ROBO1: variants seen among roughly 807,000 people sequenced by gnomAD.
The protein encoded by ROBO1 is roundabout guidance receptor 1.
A neutral mutation model predicts 195.9 loss-of-function variants in ROBO1; 149 were observed. That is an observed-to-expected ratio of 0.76 (90% CI 0.67 to 0.87). ROBO1 has a LOEUF of 0.87. Ranked by LOEUF, ROBO1 falls within the 40% of genes least tolerant of loss-of-function variation. The pLI is 0.00. For synonymous variants in ROBO1, 816 were observed against 733.2 expected, an observed-to-expected ratio of 1.11 and a Z score of -1.82; for missense variants, 1,933 against 2,068.3, an observed-to-expected ratio of 0.93 and a Z score of 1.27.
chr3:79,662,455 C>T (rs1946356726), intron 1 of ROBO1, among the ~76,000 whole-genome samples: 1 of 151,918 alleles, frequency 6.6e-6, no homozygotes, highest in Admixed American at 6.6e-5. Context: ...TGCTGAAATC[C>T]TTGCTTTGAG....
intron 2 of ROBO1, among the ~76,000 whole-genome samples, chr3:79,446,960 A>C (rs1002187035): frequency 1.3e-5 from 2 of 151,712 alleles, no homozygotes; most frequent in African/African-American, 2.4e-5. Context: ...CATAGCTGGG[A>C]TTACAGGCTA....
At chr3:79,321,577 G>A (rs1051154397) in intron 2 of ROBO1, among the ~76,000 whole-genome samples, 83 of 152,278 alleles carry the variant, frequency 5.5e-4, no homozygotes, top group African/African-American at 1.9e-3. Context: ...AGCAAGAATT[G>A]CAAGAGGATG....
chr3:79,288,072 A>G lies in ROBO1; in HGVS notation c.89-162533T>C, dbSNP rs534981200. Among the ~76,000 whole-genome samples, 19 of 152,222 alleles carry G rather than the reference A, an allele frequency of 1.2e-4. No homozygotes were observed. In the South Asian group the frequency reaches 3.5e-3, roughly 28 times the overall value. On this transcript the variant is annotated intron_variant, in intron 2 of 30. Coordinates refer to ENST00000464233, the MANE Select transcript of ROBO1 (RefSeq NM_002941.4). The stretch of plus-strand genomic sequence containing the variant: ...TCTCTATGACAAACTAAAATAACCA[A>G]ATTTATTTTTAAGATTCCTAAGTAT...
At chr3:78,665,583 G>A (rs1032419314) in intron 14 of ROBO1, among the ~76,000 whole-genome samples, 4 of 152,046 alleles carry the variant, frequency 2.6e-5, no homozygotes, top group Non-Finnish European at 4.4e-5. Context: ...CAAATTTTAT[G>A]AACTTCCTTT....
At chr3:79,488,100 CTTTT>C (rs1939257740) in intron 2 of ROBO1, among the ~76,000 whole-genome samples, 1 of 152,046 alleles carries the variant, frequency 6.6e-6, no homozygotes, top group Non-Finnish European at 1.5e-5. Context: ...ATAATGCTTT[CTTTT>C]TAACTGAAAG....
chr3:79,350,850 G>T (rs144757234), intron 2 of ROBO1, among the ~76,000 whole-genome samples: 1 of 152,146 alleles, frequency 6.6e-6, no homozygotes, highest in East Asian at 1.9e-4. Context: ...ATGGGGTCTT[G>T]CTATGTTGCC....
At chr3:79,550,143 AAAAGAAAGGAAGAAAG>A (rs1285460787) in intron 2 of ROBO1, among the ~76,000 whole-genome samples, 1 of 114,808 alleles carries the variant, frequency 8.7e-6, no homozygotes, top group Non-Finnish European at 1.7e-5. Flanking sequence ...AATTAAAACA[AAAAGAAAGGAAGAAAG>A]AAAGAAAGGA....
In ROBO1 at chr3:78,804,411, C is replaced by T. The variant is rs115261119; in HGVS notation, c.500-57511G>A. 3.6e-3 allele frequency among the ~76,000 whole-genome samples: 550 copies of T among 152,168 alleles called. 4 individuals are homozygous for T. The highest frequency in any genetic ancestry group is 0.012 in the African/African-American group (505 of 41,526). ...TAGGTTAGGTTTCTTCTTTGTTCCA[C>T]TAAAACATCTTCTGTGTATACAACA... On this transcript the variant is annotated intron_variant, in intron 4 of 30. Transcript: ENST00000464233.
chr3:78,697,683 T>A (rs2081331408), intron 8 of ROBO1, among the ~76,000 whole-genome samples: 1 of 152,180 alleles, frequency 6.6e-6, no homozygotes, highest in Non-Finnish European at 1.5e-5. Flanking sequence ...GATATAACCG[T>A]GTCTGGCAAA....
chr3:78,805,326 C>T (rs2084502429), intron 4 of ROBO1, among the ~76,000 whole-genome samples: 1 of 151,778 alleles, frequency 6.6e-6, no homozygotes, highest in African/African-American at 2.4e-5. Context: ...AATTTAATTT[C>T]CCTCCTTCTT....
intron 4 of ROBO1, among the ~76,000 whole-genome samples, chr3:78,919,054 A>C (rs1280094376): frequency 2.6e-5 from 4 of 152,212 alleles, no homozygotes. Context: ...TATCGACAAT[A>C]TGTTATTTCT....
intron 8 of ROBO1, among the ~76,000 whole-genome samples, chr3:78,711,599 C>T (rs2081749663): frequency 6.6e-6 from 1 of 150,744 alleles, no homozygotes; most frequent in Admixed American, 6.7e-5. Flanking sequence ...GATTCTCCTG[C>T]CTCAGCCTCC....
intron 2 of ROBO1, among the ~76,000 whole-genome samples, chr3:79,491,781 A>C (rs1053131006): frequency 1.5e-5 from 2 of 134,970 alleles, no homozygotes; most frequent in African/African-American, 5.6e-5. Context: ...ATTTAATCTG[A>C]CTTTTTTTTT....
At chr3:79,111,815 T>G (rs2079892607) in intron 3 of ROBO1, among the ~76,000 whole-genome samples, 1 of 152,198 alleles carries the variant, frequency 6.6e-6, no homozygotes, top group South Asian at 2.1e-4. Flanking sequence ...TCCAGCTGTG[T>G]GCTTGGTATT....
intron 3 of ROBO1, among the ~76,000 whole-genome samples, chr3:78,944,629 C>T (rs573222375): frequency 6.6e-5 from 10 of 152,356 alleles, no homozygotes; most frequent in South Asian, 2.1e-4. Flanking sequence ...ACTGAGGTAC[C>T]GGGTTCATCT....
intron 1 of ROBO1, among the ~76,000 whole-genome samples, chr3:79,766,376 T>A (rs1273779559): frequency 1.3e-5 from 2 of 151,142 alleles, no homozygotes; most frequent in African/African-American, 4.9e-5. Context: ...GATATTTGAG[T>A]AGTGGGAGCT....
intron 3 of ROBO1, among the ~76,000 whole-genome samples, chr3:79,092,599 CT>C (rs1329483468): frequency 2.6e-5 from 4 of 152,128 alleles, no homozygotes; most frequent in Non-Finnish European, 5.9e-5. Flanking sequence ...CCATTTAAAC[CT>C]TTTTCTCCTC....
chr3:78,715,231 C>T (rs1273151124), intron 7 of ROBO1: 1 of 152,164 alleles, frequency 6.6e-6, no homozygotes. Context: ...ACATCACATC[C>T]CATAGGCACC....
At chr3:78,952,545 T>C (rs1576459361) in intron 3 of ROBO1, among the ~76,000 whole-genome samples, 1 of 152,044 alleles carries the variant, frequency 6.6e-6, no homozygotes, top group East Asian at 1.9e-4. Flanking sequence ...AATTTCATCC[T>C]ACAAGAAGAC....
Sources: gnomAD v4.1 joint callset for allele counts (sites outside exome capture counted in the v4.1 genomes callset) on GRCh38, gnomAD v4.1.1 for gene constraint, MANE v1.5 for transcripts, NCBI Gene and HGNC (gene_info 2026-07-23, HGNC 2026-07-21) for gene names.